FGF12: variants seen among roughly 807,000 people sequenced by gnomAD.
The protein encoded by FGF12 is fibroblast growth factor 12, also known as fibroblast growth factor 12B.
A neutral mutation model predicts 23.6 loss-of-function variants in FGF12; 14 were observed. The observed-to-expected ratio is 0.59, with a 90% confidence interval of 0.39 to 0.93. The LOEUF (loss-of-function observed/expected upper bound fraction) is 0.93, where lower values mean the gene tolerates loss of function less well. Ranked by LOEUF, FGF12 falls within the 40% of genes least tolerant of loss-of-function variation. FGF12 has a pLI of 0.00. For missense variants in FGF12, 175 were observed against 217.8 expected (o/e 0.80, Z 1.24); for synonymous variants, 62 against 77.3 (o/e 0.80, Z 1.04).
chr3:192,686,508 G>C (rs1386110828), intron 2 of FGF12, among the ~76,000 whole-genome samples: 1 of 152,096 alleles, frequency 6.6e-6, no homozygotes, highest in Non-Finnish European at 1.5e-5. Context: ...TCTGAATGTA[G>C]TGCCATTGTT....
chr3:192,326,804 T>C (rs1716844419), intron 4 of FGF12, among the ~76,000 whole-genome samples: 2 of 152,194 alleles, frequency 1.3e-5, no homozygotes, highest in South Asian at 4.1e-4. Context: ...GAAATGAATA[T>C]TGAACTAGAA....
At chr3:192,708,215 T>A (rs1423891183) in intron 2 of FGF12, among the ~76,000 whole-genome samples, 2 of 152,050 alleles carry the variant, frequency 1.3e-5, no homozygotes, top group Non-Finnish European at 2.9e-5. Flanking sequence ...CACCTCGGCC[T>A]CCCAAAGTGC....
At chr3:192,655,388 A>T (rs35261304) in intron 2 of FGF12, among the ~76,000 whole-genome samples, 3,488 of 152,150 alleles carry the variant, frequency 0.023, 48 homozygotes, top group Middle Eastern at 0.065. Context: ...CTCAGATGTG[A>T]TGGTTGGAGC....
intron 4 of FGF12, chr3:192,244,885 C>T (rs967089080): frequency 3.3e-5 from 5 of 152,136 alleles, no homozygotes; most frequent in African/African-American, 9.7e-5. Context: ...GTCTGAGTTT[C>T]CTCTGGACCA....
intron 2 of FGF12, among the ~76,000 whole-genome samples, chr3:192,550,403 T>G (rs1725604656): frequency 6.7e-6 from 1 of 149,762 alleles, no homozygotes. Flanking sequence ...TTACATATAT[T>G]ACATATATAA....
chr3:192,434,608 A>C (rs767909838), intron 2 of FGF12, among the ~76,000 whole-genome samples: 1 of 152,098 alleles, frequency 6.6e-6, no homozygotes. Context: ...TCTGTGATCA[A>C]TCTTCATATG....
At chr3:192,283,871 G>A (rs1007290874) in intron 4 of FGF12, among the ~76,000 whole-genome samples, 1 of 152,042 alleles carries the variant, frequency 6.6e-6, no homozygotes, top group Non-Finnish European at 1.5e-5. Context: ...TTCTAAAACA[G>A]AGCCCAGGTT....
At chr3:192,208,907 G>C (rs1024357843) in intron 4 of FGF12, among the ~76,000 whole-genome samples, 1 of 152,168 alleles carries the variant, frequency 6.6e-6, no homozygotes, top group South Asian at 2.1e-4. Flanking sequence ...GTTCCTTGTA[G>C]TACCTTCAGT....
intron 4 of FGF12, among the ~76,000 whole-genome samples, chr3:192,193,300 G>A (rs1716898381): frequency 1.3e-5 from 2 of 152,132 alleles, no homozygotes; most frequent in South Asian, 4.1e-4. Flanking sequence ...AATCTGATCT[G>A]AGGTGACAAG....
intron 2 of FGF12, among the ~76,000 whole-genome samples, chr3:192,617,564 A>C (rs1714807920): frequency 6.6e-6 from 1 of 152,172 alleles, no homozygotes; most frequent in African/African-American, 2.4e-5. Context: ...AGCCACAGGC[A>C]TCATAAGGCA....
intron 2 of FGF12, among the ~76,000 whole-genome samples, chr3:192,566,651 T>C (rs1221795842): frequency 6.6e-6 from 1 of 152,172 alleles, no homozygotes; most frequent in Non-Finnish European, 1.5e-5. Flanking sequence ...TCTTTTAATC[T>C]CTAGATTTGT....
chr3:192,343,043 G>T (rs1717769543), intron 3 of FGF12, among the ~76,000 whole-genome samples: 1 of 151,974 alleles, frequency 6.6e-6, no homozygotes, highest in South Asian at 2.1e-4. Flanking sequence ...AGAAAAAAAA[G>T]CTCATTACAA....
At chr3:192,704,695 C>G (rs186175098) in intron 2 of FGF12, among the ~76,000 whole-genome samples, 2 of 152,358 alleles carry the variant, frequency 1.3e-5, no homozygotes, top group Non-Finnish European at 2.9e-5. Context: ...CAGACATTGA[C>G]TTCTTTCTCA....
intron 4 of FGF12, among the ~76,000 whole-genome samples, chr3:192,298,175 C>T (rs1449743247): frequency 6.6e-6 from 1 of 152,166 alleles, no homozygotes; most frequent in Non-Finnish European, 1.5e-5. Flanking sequence ...ATTCATTTAA[C>T]CAGTCAATCA....
intron 4 of FGF12, among the ~76,000 whole-genome samples, chr3:192,279,741 A>C (rs1714033847): frequency 6.6e-6 from 1 of 152,216 alleles, no homozygotes; most frequent in Non-Finnish European, 1.5e-5. Flanking sequence ...GCAGCACAAC[A>C]GGTCTGTCAC....
chr3:192,681,673 C>A (rs556717425), intron 2 of FGF12, among the ~76,000 whole-genome samples: 1 of 152,210 alleles, frequency 6.6e-6, no homozygotes, highest in East Asian at 1.9e-4. Context: ...CTATTTTTTC[C>A]TTTCCCAAAT....
At chr3:192,554,254 G>T (rs528003968) in intron 2 of FGF12, among the ~76,000 whole-genome samples, 1 of 152,188 alleles carries the variant, frequency 6.6e-6, no homozygotes, top group Non-Finnish European at 1.5e-5. Context: ...GAGAAGAGTA[G>T]AGTATGCCTC....
chr3:192,612,922 T>G (rs1714602852), intron 2 of FGF12, among the ~76,000 whole-genome samples: 2 of 151,896 alleles, frequency 1.3e-5, no homozygotes, highest in Non-Finnish European at 2.9e-5. Context: ...GTTGAATGTT[T>G]CCACAATTTT....
chr3:192,541,884 C>T (rs1219415736), intron 2 of FGF12, among the ~76,000 whole-genome samples: 1 of 152,028 alleles, frequency 6.6e-6, no homozygotes, highest in East Asian at 1.9e-4. Context: ...ACTGAGAAGA[C>T]TGCTACCAGA....
Sources: allele counts gnomAD v4.1 joint callset (sites outside exome capture counted in the v4.1 genomes callset), GRCh38; gene constraint gnomAD v4.1.1; transcripts MANE v1.5; gene names NCBI Gene and HGNC (gene_info 2026-07-23, HGNC 2026-07-21).